LMCD1: variants seen among roughly 807,000 people sequenced by gnomAD.
The protein encoded by LMCD1 is LIM and cysteine-rich domains protein 1.
Under a neutral mutation model 42.7 loss-of-function variants are expected in LMCD1, and 32 were observed. The observed-to-expected ratio is 0.75, with a 90% CI of 0.57 to 1.01. LMCD1 has a LOEUF of 1.01. LMCD1 is among the 50% of genes least tolerant of loss of function. The probability of loss-of-function intolerance (pLI) is 0.00; values close to 1 mark genes in which losing one functional copy is unlikely to be tolerated. For missense variants in LMCD1, 458 were observed against 483.1 expected (o/e 0.95, Z 0.49); for synonymous variants, 178 against 184.9 (o/e 0.96, Z 0.30).
intron 3 of LMCD1, among the ~76,000 whole-genome samples, chr3:8,543,397 TGATAGATAGATAGATA>T (rs57434919): frequency 4.8e-4 from 45 of 92,872 alleles, no homozygotes; most frequent in East Asian, 2.4e-3. Flanking sequence ...GATAGATAGA[TGATAGATAGATAGATA>T]GATAGATAGA....
chr3:8,555,405 C>A (rs1694916613), intron 4 of LMCD1, among the ~76,000 whole-genome samples: 8 of 152,162 alleles, frequency 5.3e-5, no homozygotes, highest in Admixed American at 3.3e-4. Flanking sequence ...CTTAGTGAGC[C>A]CCATCTGAGC....
intron 1 of LMCD1, among the ~76,000 whole-genome samples, chr3:8,522,923 C>T (rs1426510912): frequency 6.6e-6 from 1 of 152,140 alleles, no homozygotes; most frequent in African/African-American, 2.4e-5. Flanking sequence ...CCTGACATCA[C>T]GAGATAAATC....
chr3:8,519,889 C>A (rs1694168905), intron 1 of LMCD1, among the ~76,000 whole-genome samples: 1 of 151,780 alleles, frequency 6.6e-6, no homozygotes, highest in African/African-American at 2.4e-5. Flanking sequence ...GAAGGAAATC[C>A]TTTTCCATGT....
At chr3:8,558,398 T>C (rs1183606684) in intron 4 of LMCD1, among the ~76,000 whole-genome samples, 2 of 152,196 alleles carry the variant, frequency 1.3e-5, no homozygotes, top group African/African-American at 4.8e-5. Context: ...TCTCATGCCA[T>C]TAGAATAAGG....
chr3:8,543,639 C>T lies in LMCD1; in HGVS notation c.388-4929C>T, dbSNP rs114135567. On this transcript the variant is annotated intron_variant, in intron 3 of 5. Coordinates refer to ENST00000157600, the MANE Select transcript of LMCD1 (RefSeq NM_014583.4). The stretch of plus-strand genomic sequence containing the variant: ...CCAGGTCTACAGGCATGTGCCACCA[C>T]ACCTGGCTGATTTTTCAGTATTTTG... 7.8e-3 allele frequency among the ~76,000 whole-genome samples: 1,183 copies of T among 152,308 alleles called. 17 individuals are homozygous for T. The highest frequency in any genetic ancestry group is 0.028 in the African/African-American group (1,149 of 41,550).
intron 3 of LMCD1, among the ~76,000 whole-genome samples, chr3:8,545,035 T>G (rs1041690824): frequency 6.6e-6 from 1 of 152,222 alleles, no homozygotes; most frequent in African/African-American, 2.4e-5. Context: ...CAGTTACTTG[T>G]GAACACATTA....
intron 3 of LMCD1, among the ~76,000 whole-genome samples, chr3:8,546,403 G>C (rs1694735462): frequency 6.6e-6 from 1 of 152,210 alleles, no homozygotes; most frequent in South Asian, 2.1e-4. Flanking sequence ...GGAGCAGCTT[G>C]GTAGGCGCTG....
At chr3:8,537,531 C>T in intron 3 of LMCD1, 91 bp downstream of exon 3, 1 of 1,393,228 alleles carries the variant, frequency 7.2e-7, no homozygotes, top group Non-Finnish European at 9.6e-7. Context: ...CATGGGGTGG[C>T]AAGAGCTCAA....
intron 3 of LMCD1, among the ~76,000 whole-genome samples, chr3:8,540,740 C>T (rs1355230217): frequency 1.3e-5 from 2 of 152,342 alleles, no homozygotes; most frequent in East Asian, 3.9e-4. Flanking sequence ...CAAAGGAGAC[C>T]AGCATCCACT....
At chr3:8,554,556 CT>C (rs1347853697) in intron 4 of LMCD1, among the ~76,000 whole-genome samples, 1 of 152,126 alleles carries the variant, frequency 6.6e-6, no homozygotes, top group Non-Finnish European at 1.5e-5. Flanking sequence ...TCTTGTGGGC[CT>C]TTTGAGTATC....
intron 5 of LMCD1, among the ~76,000 whole-genome samples, chr3:8,565,980 C>T (rs1695127088): frequency 6.6e-6 from 1 of 152,158 alleles, no homozygotes; most frequent in Admixed American, 6.5e-5. Context: ...TTATTATTAT[C>T]ATGTGGTTAC....
intron 2 of LMCD1, among the ~76,000 whole-genome samples, chr3:8,536,373 T>C (rs1284900919): frequency 6.6e-6 from 1 of 152,170 alleles, no homozygotes; most frequent in African/African-American, 2.4e-5. Context: ...TAGCCACAGA[T>C]TTTTGTTTTT....
At chr3:8,550,948 A>G (rs2125033488) in intron 4 of LMCD1, 7 of 985,420 alleles carry the variant, frequency 7.1e-6, no homozygotes, top group Non-Finnish European at 8.4e-6. Context: ...AAGGCAGCCC[A>G]AGAACCCGGG....
In LMCD1 at chr3:8,501,875, C is replaced by A. The variant is rs548703215; in HGVS notation, c.-64C>A. ...ACTTGGCCATTCAGCCGCCGCTGTC[C>A]CCGCTGCGCGCCCTCGCGCCTCTGC... is the stretch of plus-strand genomic sequence containing the variant. On this transcript the variant is annotated 5_prime_UTR_variant, in exon 1 of 6. Coordinates refer to ENST00000157600, the MANE Select transcript of LMCD1 (RefSeq NM_014583.4). 4 of 1,497,332 alleles carry A rather than the reference C, an allele frequency of 2.7e-6. No homozygotes were observed. The highest frequency in any genetic ancestry group is 2.7e-6 in the Non-Finnish European group (3 of 1,099,976). The allele number at this position is 1,497,332 out of a possible 1,614,324, so 92.8% of individuals were successfully genotyped here.
Position 8,572,685 on chromosome 3 carries a change from A to G in LMCD1, c.*5087A>G, listed in dbSNP as rs1374701738. The G allele has an allele frequency of 1.3e-5, 2 of 152,154 alleles. No individual in the cohort carries two copies. The highest frequency in any genetic ancestry group is 2.9e-5 in the Non-Finnish European group (2 of 68,030). The allele number at this position is 152,154 out of a possible 1,614,324, so 9.4% of individuals were successfully genotyped here. A position where few individuals can be genotyped will look rare whatever the true frequency, so the allele number is the denominator to read the frequency against. ...TTTATTAAATAGTTTATAATTGATT[A>G]CCATCCTTATTTATTTTAATGCTCA... On this transcript the variant is annotated 3_prime_UTR_variant, in exon 6 of 6. Transcript: ENST00000157600.
At position 8,567,672 on chromosome 3, in the gene LMCD1, A is replaced by C. The variant is rs1007933330; in HGVS notation, c.*74A>C. The stretch of plus-strand genomic sequence containing the variant: ...GAGCCAGGTGTGCCGAGACCATCCT[A>C]AGGGTCCGATGTGACAGCAAGCAAG... On this transcript the variant is annotated 3_prime_UTR_variant, in exon 6 of 6. Coordinates refer to ENST00000157600, the MANE Select transcript of LMCD1 (RefSeq NM_014583.4). 2 of 1,474,786 alleles carry C rather than the reference A, an allele frequency of 1.4e-6. No individual in the cohort carries two copies. Among genetic ancestry groups the C allele is most frequent in the Middle Eastern group, 2.4e-4 (1 of 4,140 alleles). The allele number at this position is 1,474,786 out of a possible 1,614,324, so 91.4% of individuals were successfully genotyped here. A position where few individuals can be genotyped will look rare whatever the true frequency, so the allele number is the denominator to read the frequency against.
intron 1 of LMCD1, among the ~76,000 whole-genome samples, chr3:8,527,135 G>A (rs1440289510): frequency 6.6e-6 from 1 of 152,192 alleles, no homozygotes; most frequent in Non-Finnish European, 1.5e-5. Context: ...TTGTCAAGAA[G>A]TTTAGATGAA....
chr3:8,546,775 T>C (rs1574967691), intron 3 of LMCD1, among the ~76,000 whole-genome samples: 1 of 151,990 alleles, frequency 6.6e-6, no homozygotes, highest in Non-Finnish European at 1.5e-5. Flanking sequence ...TGAGTGAAGG[T>C]AGAAATCAAG....
chr3:8,566,708 G>A (rs1695138505), intron 5 of LMCD1, among the ~76,000 whole-genome samples: 1 of 152,188 alleles, frequency 6.6e-6, no homozygotes, highest in South Asian at 2.1e-4. Flanking sequence ...TCACGTTTAA[G>A]AAAAGTGCAG....
Sources: allele counts gnomAD v4.1 joint callset (sites outside exome capture counted in the v4.1 genomes callset), GRCh38; gene constraint gnomAD v4.1.1; transcripts MANE v1.5; gene names NCBI Gene and HGNC (gene_info 2026-07-23, HGNC 2026-07-21).